GPC6: variants seen among roughly 807,000 people sequenced by gnomAD.
The protein encoded by GPC6 is glypican 6, also known as glypican-6.
GPC6 carries 14 observed loss-of-function variants against 55.2 expected under a neutral mutation model. The observed-to-expected ratio is 0.25, with a 90% CI of 0.17 to 0.40. The LOEUF (loss-of-function observed/expected upper bound fraction) is 0.40, where lower values mean the gene tolerates loss of function less well. Ranked by LOEUF, GPC6 falls within the 10% of genes least tolerant of loss-of-function variation. GPC6 has a pLI of 1.00. For synonymous variants in GPC6, 278 were observed against 259.6 expected (o/e 1.07, Z -0.68); for missense variants, 641 against 708.5 (o/e 0.90, Z 1.08).
At chr13:93,252,777 C>T (rs1293973855) in intron 1 of GPC6, among the ~76,000 whole-genome samples, 1 of 152,150 alleles carries the variant, frequency 6.6e-6, no homozygotes, top group Admixed American at 6.6e-5. Flanking sequence ...ATTAAATACT[C>T]CTTGGTTGGA....
chr13:93,719,994 A>G (rs1204776908), intron 2 of GPC6, among the ~76,000 whole-genome samples: 1 of 152,068 alleles, frequency 6.6e-6, no homozygotes, highest in African/African-American at 2.4e-5. Flanking sequence ...CCAGTATTTT[A>G]TTGAGAATTT....
intron 6 of GPC6, among the ~76,000 whole-genome samples, chr13:94,381,256 A>G (rs1053494183): frequency 2.7e-4 from 41 of 152,314 alleles, no homozygotes; most frequent in Non-Finnish European, 7.3e-5. Context: ...TAAGGCCGTC[A>G]TAACAAAGTA....
At chr13:93,971,560 G>A (rs939628412) in intron 3 of GPC6, among the ~76,000 whole-genome samples, 10 of 152,184 alleles carry the variant, frequency 6.6e-5, no homozygotes, top group Admixed American at 2.0e-4. Context: ...ACAAAAGGAA[G>A]CTCTCCCACA....
At chr13:93,500,656 G>A (rs542581678) in intron 1 of GPC6, among the ~76,000 whole-genome samples, 5 of 152,202 alleles carry the variant, frequency 3.3e-5, no homozygotes, top group Non-Finnish European at 5.9e-5. Flanking sequence ...ATTTTTTAAA[G>A]TTTTTAAACA....
intron 2 of GPC6, among the ~76,000 whole-genome samples, chr13:93,668,613 A>G (rs1013089581): frequency 6.6e-6 from 1 of 152,126 alleles, no homozygotes; most frequent in Admixed American, 6.5e-5. Flanking sequence ...GCGAAAGGAG[A>G]CCGCCATGTG....
intron 4 of GPC6, among the ~76,000 whole-genome samples, chr13:94,232,059 A>G (rs1890745414): frequency 6.6e-6 from 1 of 152,226 alleles, no homozygotes; most frequent in Non-Finnish European, 1.5e-5. Context: ...AGAATCCTTT[A>G]AAACAACACC....
intron 3 of GPC6, among the ~76,000 whole-genome samples, chr13:93,981,681 T>C (rs1314785375): frequency 1.3e-5 from 2 of 152,200 alleles, no homozygotes; most frequent in Non-Finnish European, 2.9e-5. Flanking sequence ...CCTGTATCTC[T>C]GTGGAGTTCT....
At chr13:94,084,440 T>C (rs1482941999) in intron 4 of GPC6, among the ~76,000 whole-genome samples, 1 of 152,198 alleles carries the variant, frequency 6.6e-6, no homozygotes, top group African/African-American at 2.4e-5. Flanking sequence ...TGATTCATGA[T>C]AGAAATCAAT....
rs1044581415 is a variant in GPC6, at chr13:93,354,662, C to A, written c.160+127046C>A. On this transcript the variant is annotated intron_variant, in intron 1 of 8. Coordinates refer to ENST00000377047, the MANE Select transcript of GPC6 (RefSeq NM_005708.5). ...TATAGGCGTGAGCCACCGCACCCAG[C>A]CTTCTGTTGGTAGATTTAAGGTAGA... Among the ~76,000 whole-genome samples the A allele has an allele frequency of 2.0e-5, 3 of 151,502 alleles. No homozygotes were observed. In the East Asian group the frequency reaches 6.0e-4, roughly 30 times the overall value.
intron 3 of GPC6, among the ~76,000 whole-genome samples, chr13:93,961,219 G>A (rs1309907714): frequency 2.6e-5 from 4 of 152,166 alleles, no homozygotes; most frequent in Non-Finnish European, 5.9e-5. Flanking sequence ...AATTTTAAGA[G>A]GAAATTTAGA....
chr13:93,782,519 A>G (rs1284409829), intron 2 of GPC6, among the ~76,000 whole-genome samples: 6 of 152,182 alleles, frequency 3.9e-5, no homozygotes, highest in Non-Finnish European at 8.8e-5. Flanking sequence ...TCTGTTTTCC[A>G]TAATGGCTGT....
At chr13:93,513,207 T>C (rs1449025252) in intron 1 of GPC6, among the ~76,000 whole-genome samples, 3 of 152,220 alleles carry the variant, frequency 2.0e-5, no homozygotes, top group African/African-American at 4.8e-5. Flanking sequence ...AGTTTCCACC[T>C]TTTTTATTAC....
chr13:93,292,073 C>G (rs1294270109), intron 1 of GPC6, among the ~76,000 whole-genome samples: 1 of 152,114 alleles, frequency 6.6e-6, no homozygotes, highest in East Asian at 1.9e-4. Flanking sequence ...TGAGGGTTGA[C>G]AGTATTTCAC....
intron 4 of GPC6, among the ~76,000 whole-genome samples, chr13:94,234,484 A>C (rs572248451): frequency 6.7e-6 from 1 of 149,330 alleles, no homozygotes; most frequent in Non-Finnish European, 1.5e-5. Context: ...TCTGTTGAAC[A>C]AAAGGAGGCC....
chr13:94,402,142 G>A (rs1008498235), intron 8 of GPC6, among the ~76,000 whole-genome samples: 1 of 152,216 alleles, frequency 6.6e-6, no homozygotes, highest in African/African-American at 2.4e-5. Flanking sequence ...CACAGGTGGG[G>A]AAAAGGTGGA....
chr13:93,829,852 A>G (rs1338270960), intron 2 of GPC6, among the ~76,000 whole-genome samples: 1 of 152,208 alleles, frequency 6.6e-6, no homozygotes, highest in Non-Finnish European at 1.5e-5. Context: ...GTATCAAACC[A>G]TAGGATTATT....
intron 2 of GPC6, among the ~76,000 whole-genome samples, chr13:93,744,730 GAC>G (rs1426558891): frequency 6.6e-6 from 1 of 151,186 alleles, no homozygotes; most frequent in African/African-American, 2.4e-5. Flanking sequence ...ACGAGTTCGA[GAC>G]CAGACTGGCC....
chr13:93,255,705 C>A (rs1876928505), intron 1 of GPC6, among the ~76,000 whole-genome samples: 1 of 152,170 alleles, frequency 6.6e-6, no homozygotes. Flanking sequence ...CCATTGCTTG[C>A]ACAGTGGACC....
intron 3 of GPC6, among the ~76,000 whole-genome samples, chr13:93,979,912 T>C (rs1181291643): frequency 6.6e-6 from 1 of 152,068 alleles, no homozygotes; most frequent in Admixed American, 6.6e-5. Context: ...AGCACTCTTA[T>C]AAACTATAAA....
Sources: allele counts gnomAD v4.1 joint callset (sites outside exome capture counted in the v4.1 genomes callset), GRCh38; gene constraint gnomAD v4.1.1; transcripts MANE v1.5; gene names NCBI Gene and HGNC (gene_info 2026-07-23, HGNC 2026-07-21).